PTPRD: variants seen among roughly 807,000 people sequenced by gnomAD.
The protein encoded by PTPRD is receptor-type tyrosine-protein phosphatase delta.
A neutral mutation model predicts 214.5 loss-of-function variants in PTPRD; 34 were observed. That is an observed-to-expected ratio of 0.16 (90% CI 0.12 to 0.21). The LOEUF is 0.21. Among genes scored for constraint, PTPRD ranks in the 10% least tolerant of loss-of-function variants. The pLI is 1.00. For synonymous variants in PTPRD, 1,128 were observed against 845.7 expected (o/e 1.33, Z -5.79); for missense variants, 2,545 against 2,398.7 (o/e 1.06, Z -1.27).
At position 9,341,151 on chromosome 9, in the gene PTPRD, T is replaced by C. The variant is rs79906864; in HGVS notation, c.-203+56298A>G. Among the ~76,000 whole-genome samples, 1,440 of 152,228 alleles carry C rather than the reference T, an allele frequency of 9.5e-3. 113 individuals carry two copies. The East Asian group carries it at 0.21, about 22-fold the overall frequency. ...ATATATATATATATATCACAAAATA[T>C]ATAATGCAGTTGTAGATTGTGGCCA... On this transcript the variant is annotated intron_variant, in intron 9 of 45. Transcript: ENST00000381196.
At chr9:8,577,832 CT>C (rs1405966664) in intron 14 of PTPRD, among the ~76,000 whole-genome samples, 1 of 152,122 alleles carries the variant, frequency 6.6e-6, no homozygotes, top group Non-Finnish European at 1.5e-5. Context: ...GAATCAGAAA[CT>C]CTAGGGATGT....
intron 2 of PTPRD, among the ~76,000 whole-genome samples, chr9:10,469,135 A>C (rs920273400): frequency 7.9e-5 from 12 of 152,144 alleles, no homozygotes; most frequent in African/African-American, 2.9e-4. Context: ...CATAGCTGGC[A>C]AAAGAGTTAT....
intron 2 of PTPRD, among the ~76,000 whole-genome samples, chr9:10,382,592 C>T (rs928237998): frequency 6.6e-6 from 1 of 151,868 alleles, no homozygotes; most frequent in Non-Finnish European, 1.5e-5. Flanking sequence ...TCTACTGTCC[C>T]ATATGACATA....
At chr9:8,711,195 CA>C (rs1255728744) in intron 12 of PTPRD, among the ~76,000 whole-genome samples, 1 of 151,920 alleles carries the variant, frequency 6.6e-6, no homozygotes, top group Non-Finnish European at 1.5e-5. Context: ...TATATTTCAT[CA>C]GCAATATAAA....
rs547960160 is a variant in PTPRD at position 8,808,838 on chromosome 9, G to A, written c.-103-74892C>T. ...TCAAACTCTCTGGATATGGTGTCCC[G>A]AAATATACATTTTCAAAGAGCTCCC... is the stretch of plus-strand genomic sequence containing the variant. On this transcript the variant is annotated intron_variant, in intron 11 of 45. Transcript: ENST00000381196. Among the ~76,000 whole-genome samples, 17 of 152,100 alleles carry A rather than the reference G, an allele frequency of 1.1e-4. No individual in the cohort carries two copies. In the East Asian group the frequency reaches 1.5e-3, roughly 14 times the overall value.
intron 5 of PTPRD, among the ~76,000 whole-genome samples, chr9:9,892,429 C>T (rs1258088533): frequency 6.6e-6 from 1 of 151,976 alleles, no homozygotes; most frequent in Non-Finnish European, 1.5e-5. Context: ...GCTCAGAGAA[C>T]AGAAAGTAGA....
chr9:9,923,119 G>GT (rs759810164), intron 5 of PTPRD, among the ~76,000 whole-genome samples: 35 of 145,928 alleles, frequency 2.4e-4, no homozygotes, highest in African/African-American at 5.6e-4. Context: ...CTGTGTGTGT[G>GT]GGGGGTGTGT....
chr9:8,410,724 A>G (rs142778947), intron 35 of PTPRD, among the ~76,000 whole-genome samples: 1 of 152,340 alleles, frequency 6.6e-6, no homozygotes, highest in African/African-American at 2.4e-5. Context: ...TTCTGGCTTC[A>G]GATAAGTGAT....
chr9:10,104,169 G>A (rs2098600581), intron 3 of PTPRD, among the ~76,000 whole-genome samples: 2 of 151,660 alleles, frequency 1.3e-5, no homozygotes, highest in Admixed American at 6.6e-5. Context: ...TGGGAGAGGA[G>A]GGAAGGAGGA....
intron 35 of PTPRD, among the ~76,000 whole-genome samples, chr9:8,418,759 T>G (rs2094138844): frequency 6.6e-6 from 1 of 152,016 alleles, no homozygotes; most frequent in Admixed American, 6.6e-5. Flanking sequence ...TTCATAGACT[T>G]TACAGCAATT....
At chr9:10,544,195 TATC>T (rs1327905267) in intron 2 of PTPRD, among the ~76,000 whole-genome samples, 18 of 152,164 alleles carry the variant, frequency 1.2e-4, no homozygotes, top group Non-Finnish European at 2.1e-4. Flanking sequence ...TATCTTTATA[TATC>T]ATAAATATAT....
intron 3 of PTPRD, among the ~76,000 whole-genome samples, chr9:10,329,597 T>C (rs2096712340): frequency 6.6e-6 from 1 of 151,784 alleles, no homozygotes; most frequent in Admixed American, 6.6e-5. Flanking sequence ...ATGCTTAATG[T>C]CTTGTGGTTA....
intron 3 of PTPRD, among the ~76,000 whole-genome samples, chr9:10,184,505 A>C (rs1241599129): frequency 6.6e-6 from 1 of 152,216 alleles, no homozygotes; most frequent in East Asian, 1.9e-4. Flanking sequence ...GAATTAGGGT[A>C]CATGGATCTG....
At chr9:10,365,870 A>G (rs12376859) in intron 2 of PTPRD, among the ~76,000 whole-genome samples, 3,986 of 152,326 alleles carry the variant, frequency 0.026, 91 homozygotes, top group Non-Finnish European at 0.04. Flanking sequence ...ATATTTGTAG[A>G]AAGCACAGCA....
At chr9:8,321,788 T>G (rs941408075) in intron 44 of PTPRD, among the ~76,000 whole-genome samples, 4 of 151,878 alleles carry the variant, frequency 2.6e-5, no homozygotes, top group African/African-American at 9.7e-5. Flanking sequence ...ATATATACCA[T>G]CTACTTTGTC....
chr9:8,707,192 C>T (rs562944593), intron 12 of PTPRD, among the ~76,000 whole-genome samples: 3 of 152,244 alleles, frequency 2.0e-5, no homozygotes, highest in African/African-American at 4.8e-5. Flanking sequence ...GGGTATATTA[C>T]GGAACTGCCA....
At chr9:9,112,237 C>G (rs545156465) in intron 10 of PTPRD, among the ~76,000 whole-genome samples, 1 of 152,232 alleles carries the variant, frequency 6.6e-6, no homozygotes, top group East Asian at 1.9e-4. Flanking sequence ...ACTGGGTGCC[C>G]TCCTCTAGCT....
At chr9:10,008,098 G>A (rs2096526583) in intron 4 of PTPRD, among the ~76,000 whole-genome samples, 1 of 151,882 alleles carries the variant, frequency 6.6e-6, no homozygotes, top group Admixed American at 6.6e-5. Context: ...TAAAAGGTGA[G>A]AAATAACAAT....
At chr9:9,691,549 G>A (rs145122390) in intron 7 of PTPRD, among the ~76,000 whole-genome samples, 4 of 152,106 alleles carry the variant, frequency 2.6e-5, no homozygotes, top group African/African-American at 7.2e-5. Context: ...AACTTAAGTT[G>A]CTTTTACATT....
Sources: gnomAD v4.1 joint callset for allele counts (sites outside exome capture counted in the v4.1 genomes callset) on GRCh38, gnomAD v4.1.1 for gene constraint, MANE v1.5 for transcripts, NCBI Gene and HGNC (gene_info 2026-07-23, HGNC 2026-07-21) for gene names.